TCF7L2: variants seen among roughly 807,000 people sequenced by gnomAD.
TCF7L2 encodes the protein transcription factor 7-like 2.
TCF7L2 carries 23 observed loss-of-function variants against 77.9 expected under a neutral mutation model. The observed-to-expected ratio is 0.30, with a 90% confidence interval of 0.21 to 0.42. TCF7L2 has a LOEUF of 0.42. TCF7L2 is among the 10% of genes least tolerant of loss of function. The probability of loss-of-function intolerance (pLI) is 1.00; values close to 1 mark genes in which losing one functional copy is unlikely to be tolerated. For synonymous variants in TCF7L2, 413 were observed against 340.2 expected (o/e 1.21, Z -2.36); for missense variants, 654 against 793.1 (o/e 0.82, Z 2.11).
chr10:113,016,503 C>A (rs984285767), intron 4 of TCF7L2, among the ~76,000 whole-genome samples: 5 of 152,116 alleles, frequency 3.3e-5, no homozygotes, highest in African/African-American at 1.2e-4. Context: ...TGGATTGATT[C>A]ATGTAGGTCT....
chr10:113,159,121 C>T (rs963953031), intron 12 of TCF7L2, among the ~76,000 whole-genome samples: 3 of 151,210 alleles, frequency 2.0e-5, no homozygotes, highest in Admixed American at 6.6e-5. Flanking sequence ...AGCATGCATC[C>T]GCAGTATGAT....
chr10:113,083,408 G>C (rs1432041483), intron 5 of TCF7L2, among the ~76,000 whole-genome samples: 1 of 152,146 alleles, frequency 6.6e-6, no homozygotes, highest in Non-Finnish European at 1.5e-5. Context: ...TGCCATGTGA[G>C]TGATGATATC....
chr10:113,144,427 T>A (rs1255812691), intron 7 of TCF7L2, among the ~76,000 whole-genome samples: 2 of 152,194 alleles, frequency 1.3e-5, no homozygotes, highest in Non-Finnish European at 2.9e-5. Flanking sequence ...GGGTTGAGGC[T>A]GTCGAGTCCT....
At chr10:112,958,713 A>G (rs910187208) in intron 3 of TCF7L2, among the ~76,000 whole-genome samples, 1 of 152,160 alleles carries the variant, frequency 6.6e-6, no homozygotes. Context: ...TAAAAAATTG[A>G]GAGGATTTGT....
chr10:113,081,104 A>G (rs915027004), intron 5 of TCF7L2, among the ~76,000 whole-genome samples: 12 of 152,226 alleles, frequency 7.9e-5, no homozygotes, highest in African/African-American at 1.4e-4. Context: ...CCTGAGTGGT[A>G]GCTAGATCTC....
intron 12 of TCF7L2, 47 bp downstream of exon 14, chr10:113,160,039 A>C (rs371600263): frequency 3.9e-6 from 6 of 1,548,892 alleles, no homozygotes; most frequent in Non-Finnish European, 5.3e-6. Context: ...CAGCTGGTCT[A>C]TTCGATCCTC....
intron 13 of TCF7L2, chr10:113,161,631 T>C (rs2073173458): frequency 1.3e-6 from 2 of 1,535,968 alleles, no homozygotes; most frequent in Non-Finnish European, 1.7e-6. Flanking sequence ...CTAAACACGC[T>C]TCCCTGTTTG....
At chr10:113,048,907 T>A (rs915964377) in intron 5 of TCF7L2, among the ~76,000 whole-genome samples, 1 of 152,196 alleles carries the variant, frequency 6.6e-6, no homozygotes, top group African/African-American at 2.4e-5. Context: ...ATGAAGTCAT[T>A]TGATGATTGT....
chr10:113,151,220 C>A lies in TCF7L2; in HGVS notation c.1001+97C>A. On this transcript the variant is annotated intron_variant, in intron 9 of 13. Coordinates refer to ENST00000627217, the MANE Select transcript of TCF7L2 (RefSeq NM_001146274.2). This position sits in a 1 kb window ranked among gnomAD's most constrained non-coding sequence, Gnocchi z 5.2. Reference sequence around the variant, plus strand: ...GTGGCTTTCTGCCTAAGGTTGGCCTCGTTTGGTTTGACTGCAGCCAATACC... The same window carrying A: ...GTGGCTTTCTGCCTAAGGTTGGCCTAGTTTGGTTTGACTGCAGCCAATACC... 2 of 1,563,380 alleles carry A rather than the reference C, an allele frequency of 1.3e-6. No individual in the cohort carries two copies. Among genetic ancestry groups the A allele is most frequent in the East Asian group, 2.2e-5 (1 of 44,478 alleles).
intron 4 of TCF7L2, among the ~76,000 whole-genome samples, chr10:112,976,681 A>G (rs146728478): frequency 4.8e-4 from 73 of 152,340 alleles, no homozygotes; most frequent in African/African-American, 1.7e-3. Context: ...TGCTTTTAGA[A>G]TTTTTAAATA....
intron 5 of TCF7L2, among the ~76,000 whole-genome samples, chr10:113,058,549 G>T (rs2055813977): frequency 1.3e-5 from 2 of 152,138 alleles, no homozygotes; most frequent in African/African-American, 4.8e-5. Flanking sequence ...CATAGCCCCA[G>T]CCCCTTCCTT....
chr10:113,056,856 G>T (rs963104654), intron 5 of TCF7L2, among the ~76,000 whole-genome samples: 5 of 152,148 alleles, frequency 3.3e-5, no homozygotes, highest in Non-Finnish European at 5.9e-5. Flanking sequence ...GCTGCCTGGT[G>T]GGTAGCTGAG....
chr10:112,968,256 A>C (rs1049881887), intron 4 of TCF7L2, among the ~76,000 whole-genome samples: 1 of 152,118 alleles, frequency 6.6e-6, no homozygotes, highest in East Asian at 1.9e-4. Flanking sequence ...CCACTTAGAC[A>C]TGGATTTTCT....
intron 8 of TCF7L2, among the ~76,000 whole-genome samples, chr10:113,146,822 G>T (rs1469141534): frequency 6.6e-6 from 1 of 151,760 alleles, no homozygotes; most frequent in Non-Finnish European, 1.5e-5. Flanking sequence ...GTTTAGACTG[G>T]CCACATTTCA....
chr10:112,977,153 A>G (rs1003317577), intron 4 of TCF7L2, among the ~76,000 whole-genome samples: 1 of 152,110 alleles, frequency 6.6e-6, no homozygotes, highest in African/African-American at 2.4e-5. Context: ...TCTCTTTCCA[A>G]ACCTCGTGCC....
Position 113,117,416 on chromosome 10 carries a change from TCTCTCTCTCTCTCTCTCC to T in TCF7L2, c.553-23750_553-23733del, listed in dbSNP as rs1564916418. Among the ~76,000 whole-genome samples the T allele has an allele frequency of 5.3e-3, 228 of 42,784 alleles. 25 individuals are homozygous for T. The highest frequency in any genetic ancestry group is 8.9e-3 in the East Asian group (24 of 2,686). 28.1% of individuals were successfully genotyped at this position (42,784 alleles called of 152,430 possible). On this transcript the variant is annotated intron_variant, in intron 5 of 13. Transcript: ENST00000627217. Reference sequence around the variant, plus strand: ...CTCTCTCTCTCTCTCTCTCTCTCTCTCTCTCTCTCTCTCTCTCCCTCTCTCTCTCTCTCTCTCTCTCTT... The same window carrying T: ...CTCTCTCTCTCTCTCTCTCTCTCTCTCTCTCTCTCTCTCTCTCTCTCTCTT...
chr10:113,117,225 A>T (rs1402559824), intron 5 of TCF7L2, among the ~76,000 whole-genome samples: 1 of 152,210 alleles, frequency 6.6e-6, no homozygotes, highest in African/African-American at 2.4e-5. Flanking sequence ...TTCATCCCTA[A>T]GTATAACAAA....
chr10:113,023,370 A>T (rs901433868), intron 4 of TCF7L2, among the ~76,000 whole-genome samples: 1 of 152,212 alleles, frequency 6.6e-6, no homozygotes. Flanking sequence ...GCATTTGGGA[A>T]ACTTTAGGCG....
intron 5 of TCF7L2, chr10:113,126,060 T>C (rs1327592670): frequency 6.6e-6 from 1 of 152,168 alleles, no homozygotes; most frequent in Non-Finnish European, 1.5e-5. Context: ...GTTTAATATG[T>C]GTTAGGACCA....
Sources: gnomAD v4.1 joint callset for allele counts (sites outside exome capture counted in the v4.1 genomes callset) on GRCh38, gnomAD v4.1.1 for gene constraint, Gnocchi (gnomAD v3.1) non-coding constraint, MANE v1.5 for transcripts, NCBI Gene and HGNC (gene_info 2026-07-23, HGNC 2026-07-21) for gene names.